KLRG1: variants seen among roughly 807,000 people sequenced by gnomAD.
KLRG1 encodes killer cell lectin like receptor G1.
Under a neutral mutation model 21.8 loss-of-function variants are expected in KLRG1, and 16 were observed. That is an observed-to-expected ratio of 0.73 (90% confidence interval 0.50 to 1.11). The LOEUF (loss-of-function observed/expected upper bound fraction) is 1.11, where lower values mean the gene tolerates loss of function less well. Among genes scored for constraint, KLRG1 ranks in the 50% most tolerant of loss-of-function variants. KLRG1 has a pLI of 0.00. For missense variants in KLRG1, 173 were observed against 218.3 expected (o/e 0.79, Z 1.31); for synonymous variants, 69 against 75.9 (o/e 0.91, Z 0.47).
At chr12:9,013,159 C>T (rs902700561), downstream of KLRG1, among the ~76,000 whole-genome samples, 3 of 152,160 alleles carry the variant, frequency 2.0e-5, no homozygotes, top group Non-Finnish European at 4.4e-5. Flanking sequence ...GTTTGTGGTG[C>T]TTCCTAATGC....
intron 1 of KLRG1, among the ~76,000 whole-genome samples, chr12:8,964,980 C>G (rs1186553154): frequency 6.6e-6 from 1 of 152,090 alleles, no homozygotes; most frequent in Non-Finnish European, 1.5e-5. Context: ...TGGGTCTTGA[C>G]TCTTTATCCA....
At chr12:9,151,725 G>A in the KLRG1 span, 6 of 1,428,606 alleles carry the variant, frequency 4.2e-6, no homozygotes, top group Admixed American at 1.0e-4. Flanking sequence ...TGTGAGAATG[G>A]TGTGAGATCT....
At position 9,010,277 on chromosome 12, in the gene KLRG1, G is replaced by A. The variant is rs554116910; in HGVS notation, c.*740G>A. 10 of 417,364 alleles carry A rather than the reference G, an allele frequency of 2.4e-5. No homozygotes were observed. Among genetic ancestry groups the A allele is most frequent in the South Asian group, 5.2e-5 (1 of 19,402 alleles). The allele number at this position is 417,364 out of a possible 1,614,324, so 25.9% of individuals were successfully genotyped here. A position where few individuals can be genotyped will look rare whatever the true frequency, so the allele number is the denominator to read the frequency against. ...CTTCCTCCTTCTGAGCTCTTCACAC[G>A]TAATGCAAAAACCCGGTCTTAACTG... On this transcript the variant is annotated 3_prime_UTR_variant, in exon 5 of 5. Transcript: ENST00000356986.
At chr12:9,208,886 AAG>A in the KLRG1 span, among the ~76,000 whole-genome samples, 1 of 152,194 alleles carries the variant, frequency 6.6e-6, no homozygotes, top group Non-Finnish European at 1.5e-5. Flanking sequence ...TGAAAGATAA[AAG>A]AGATAAAAGA....
At chr12:9,119,818 A>G in the KLRG1 span, among the ~76,000 whole-genome samples, 6 of 152,160 alleles carry the variant, frequency 3.9e-5, no homozygotes, top group African/African-American at 1.4e-4. Context: ...CATTATAATC[A>G]CAGATAAAAA....
chr12:8,997,867 A>G (rs1336155319), intron 3 of KLRG1, among the ~76,000 whole-genome samples: 1 of 151,944 alleles, frequency 6.6e-6, no homozygotes, highest in African/African-American at 2.4e-5. Context: ...GCTCACTGCA[A>G]CCTCTGCCTC....
chr12:9,066,813 CCTT>C, the KLRG1 span: 1 of 152,174 alleles, frequency 6.6e-6, no homozygotes, highest in Non-Finnish European at 1.5e-5. Flanking sequence ...TCCATACTCA[CCTT>C]CTGCCTAACT....
intron 3 of KLRG1, among the ~76,000 whole-genome samples, chr12:8,998,222 G>T (rs1166600581): frequency 1.3e-5 from 2 of 151,996 alleles, no homozygotes; most frequent in Non-Finnish European, 2.9e-5. Context: ...CCAGCTTCTT[G>T]GGAGGCTAAG....
the KLRG1 span, chr12:9,158,377 A>T: frequency 6.2e-7 from 1 of 1,606,888 alleles, no homozygotes; most frequent in Non-Finnish European, 8.5e-7. Context: ...GGGGGATGTT[A>T]TGTTGATGTG....
chr12:9,210,856 T>C, the KLRG1 span, among the ~76,000 whole-genome samples: 1 of 152,340 alleles, frequency 6.6e-6, no homozygotes, highest in Non-Finnish European at 1.5e-5. Context: ...TAGCCCTCTT[T>C]GGTGATCATC....
chr12:9,200,812 C>T, the KLRG1 span: 37 of 1,424,756 alleles, frequency 2.6e-5, 1 homozygote, highest in Non-Finnish European at 3.2e-5. Context: ...AACATATCTA[C>T]AGGAAATTCA....
the KLRG1 span, chr12:9,073,016 T>C: frequency 1.1e-5 from 7 of 636,280 alleles, 1 homozygote; most frequent in African/African-American, 7.3e-5. Flanking sequence ...CAAGATTGAT[T>C]ATAATCTTTA....
At chr12:9,020,525 A>C in the KLRG1 span, among the ~76,000 whole-genome samples, 1 of 152,170 alleles carries the variant, frequency 6.6e-6, no homozygotes, top group Non-Finnish European at 1.5e-5. Flanking sequence ...TATAGTATGT[A>C]CTTTTTTTTC....
chr12:9,118,330 G>A, the KLRG1 span, among the ~76,000 whole-genome samples: 1 of 152,154 alleles, frequency 6.6e-6, no homozygotes, highest in Non-Finnish European at 1.5e-5. Flanking sequence ...TGACTGGAGG[G>A]CAAGTGGAAG....
rs1298156342 is a variant in KLRG1, at chr12:9,010,059, A to G, written c.*522A>G. 12 of 1,515,236 alleles carry G rather than the reference A, an allele frequency of 7.9e-6. No homozygotes were observed. The highest frequency in any genetic ancestry group is 1.1e-5 in the Non-Finnish European group (12 of 1,129,796). 93.9% of individuals were successfully genotyped at this position (1,515,236 alleles called of 1,614,324 possible). On this transcript the variant is annotated 3_prime_UTR_variant, in exon 5 of 5. Transcript: ENST00000356986. ...AAACCTAGCTGGCATGCTGGTGTGT[A>G]CCTGTAGTCCTAGCTATTTGGGAAG...
chr12:9,197,616 ATT>A, the KLRG1 span, among the ~76,000 whole-genome samples: 4 of 95,262 alleles, frequency 4.2e-5, no homozygotes, highest in South Asian at 3.1e-4. Flanking sequence ...TATATTATAT[ATT>A]TATATATTAT....
chr12:9,161,296 G>C, the KLRG1 span, among the ~76,000 whole-genome samples: 1 of 152,200 alleles, frequency 6.6e-6, no homozygotes, highest in African/African-American at 2.4e-5. Context: ...ATTCAGAACA[G>C]TATCTGCAAC....
intron 1 of KLRG1, among the ~76,000 whole-genome samples, chr12:8,975,710 T>C (rs1946647382): frequency 6.6e-6 from 1 of 152,066 alleles, no homozygotes; most frequent in South Asian, 2.1e-4. Flanking sequence ...ACTACAGGCA[T>C]ATACCATCAC....
chr12:9,001,675 A>G (rs1351280729), intron 3 of KLRG1, among the ~76,000 whole-genome samples: 1 of 152,038 alleles, frequency 6.6e-6, no homozygotes, highest in Non-Finnish European at 1.5e-5. Flanking sequence ...CCCCTAATAG[A>G]TGCTTTGCAC....
Sources: gnomAD v4.1 joint callset for allele counts (sites outside exome capture counted in the v4.1 genomes callset) on GRCh38, gnomAD v4.1.1 for gene constraint, MANE v1.5 for transcripts, NCBI Gene and HGNC (gene_info 2026-07-23, HGNC 2026-07-21) for gene names.